The following LMO7 variants were observed in gnomAD, a reference collection of about 807,000 sequenced individuals.
The protein encoded by LMO7 is LIM domain 7.
LMO7 carries 120 observed loss-of-function variants against 206.5 expected under a neutral mutation model. The observed-to-expected ratio is 0.58, with a 90% CI of 0.50 to 0.68. The LOEUF (loss-of-function observed/expected upper bound fraction) is 0.68, where lower values mean the gene tolerates loss of function less well. Ranked by LOEUF, LMO7 falls within the 30% of genes least tolerant of loss-of-function variation. The pLI, the probability that LMO7 is intolerant of heterozygous loss-of-function variation, is 0.00. For missense variants in LMO7, 1,959 were observed against 1,957.9 expected (o/e 1.00, Z -0.01); for synonymous variants, 706 against 681.5 (o/e 1.04, Z -0.56).
intron 1 of LMO7, among the ~76,000 whole-genome samples, chr13:75,708,928 C>G: frequency 6.6e-6 from 1 of 152,104 alleles, no homozygotes; most frequent in Admixed American, 6.5e-5. Context: ...GGTATATCTC[C>G]TAATGCTATC....
intron 1 of LMO7, among the ~76,000 whole-genome samples, chr13:75,665,352 T>A (rs978450645): frequency 2.6e-5 from 4 of 152,102 alleles, no homozygotes; most frequent in African/African-American, 4.8e-5. Flanking sequence ...ACTTATTTTT[T>A]AAATATATTA....
At chr13:75,713,133 T>C in intron 1 of LMO7, 49 bp from the exon 2 acceptor site, 1 of 1,339,624 alleles carries the variant, frequency 7.5e-7, no homozygotes, top group Non-Finnish European at 1.1e-6. Flanking sequence ...ATTGGACTTG[T>C]GTGCTATCCC....
intron 1 of LMO7, among the ~76,000 whole-genome samples, chr13:75,694,017 A>T (rs1292916447): frequency 6.6e-6 from 1 of 152,134 alleles, no homozygotes; most frequent in Admixed American, 6.6e-5. Context: ...CTTAAAATAA[A>T]AAAAAAAACT....
chr13:75,717,058 A>G (rs1299855876), intron 2 of LMO7, among the ~76,000 whole-genome samples: 1 of 151,464 alleles, frequency 6.6e-6, no homozygotes, highest in Non-Finnish European at 1.5e-5. Flanking sequence ...TGAACACATG[A>G]CTCACAGTAA....
In LMO7 at chr13:75,681,718, GTATATATATATATATATA is replaced by G. The variant is rs71127572; in HGVS notation, c.70-31450_70-31433del. ...TATGTATGTATGTGTATATATATAT[GTATATATATATATATATA>G]TATATATATATATGGAATCTTATTA... On this transcript the variant is annotated intron_variant, in intron 1 of 30. Coordinates refer to ENST00000377534, the MANE Select transcript of LMO7 (RefSeq NM_001306080.2). Among the ~76,000 whole-genome samples, 249 of 104,562 alleles carry G rather than the reference GTATATATATATATATATA, an allele frequency of 2.4e-3. 4 individuals carry two copies. The South Asian group carries it at 0.027, about 11-fold the overall frequency. The allele number at this position is 104,562 out of a possible 152,430, so 68.6% of individuals were successfully genotyped here. A position where few individuals can be genotyped will look rare whatever the true frequency, so the allele number is the denominator to read the frequency against.
intron 12 of LMO7, among the ~76,000 whole-genome samples, chr13:75,818,406 T>C (rs767679254): frequency 6.6e-6 from 1 of 152,200 alleles, no homozygotes; most frequent in Non-Finnish European, 1.5e-5. Flanking sequence ...CGGTTTTGTC[T>C]GAGACCTTGA....
At chr13:75,710,499 G>A (rs2138058337) in intron 1 of LMO7, among the ~76,000 whole-genome samples, 1 of 151,894 alleles carries the variant, frequency 6.6e-6, no homozygotes, top group East Asian at 1.9e-4. Flanking sequence ...AGTTCTCCTT[G>A]AAGAGGTCCT....
chr13:75,838,601 G>C (rs2059343945), intron 20 of LMO7: 1 of 196,100 alleles, frequency 5.1e-6, no homozygotes, highest in Admixed American at 5.8e-5. Context: ...AATTGGCCAA[G>C]TTTTTAAAAA....
intron 26 of LMO7, among the ~76,000 whole-genome samples, chr13:75,848,808 C>T (rs2060230500): frequency 1.3e-5 from 2 of 152,200 alleles, no homozygotes; most frequent in East Asian, 1.9e-4. Flanking sequence ...GGTAGACCTA[C>T]TTATAGTTCT....
At chr13:75,751,632 G>A (rs1358900459) in intron 3 of LMO7, among the ~76,000 whole-genome samples, 1 of 152,148 alleles carries the variant, frequency 6.6e-6, no homozygotes, top group African/African-American at 2.4e-5. Context: ...TCACAGCCCT[G>A]AGAACAACTT....
At chr13:75,787,545 A>G (rs1363431008) in intron 4 of LMO7, among the ~76,000 whole-genome samples, 1 of 152,248 alleles carries the variant, frequency 6.6e-6, no homozygotes, top group African/African-American at 2.4e-5. Flanking sequence ...TGGAATAAGC[A>G]TTATGTTGCT....
Position 75,841,767 on chromosome 13 carries a change from AGC to A in LMO7, c.3816_3817del (p.Gln1272HisfsTer8), listed in dbSNP as rs763052660. 3 of 1,614,120 alleles carry A rather than the reference AGC, an allele frequency of 1.9e-6. No homozygotes were observed. The highest frequency in any genetic ancestry group is 2.5e-6 in the Non-Finnish European group (3 of 1,179,996). On this transcript the variant is annotated frameshift_variant, in exon 24 of 31. Transcript: ENST00000377534. LOFTEE classifies it high-confidence loss of function. ...CGAGCAGGAGAAGAGGAGAGGAGAC[AGC>A]CACAAGAGGAAGTTGTTCATGAGGA...
At chr13:75,711,763 T>C (rs114783085) in intron 1 of LMO7, among the ~76,000 whole-genome samples, 4 of 152,204 alleles carry the variant, frequency 2.6e-5, no homozygotes, top group Non-Finnish European at 4.4e-5. Context: ...ACCCCCTACA[T>C]TTTTCTTATG....
intron 4 of LMO7, chr13:75,788,789 CA>C (rs1461795831): frequency 6.6e-6 from 1 of 152,432 alleles, no homozygotes; most frequent in Non-Finnish European, 1.5e-5. Flanking sequence ...TCCCAAGAGG[CA>C]ACTCCCAGGT....
intron 4 of LMO7, among the ~76,000 whole-genome samples, chr13:75,780,865 C>T (rs1316481214): frequency 1.3e-5 from 2 of 152,184 alleles, no homozygotes; most frequent in Admixed American, 1.3e-4. Flanking sequence ...GGTTCCCTGA[C>T]TTCCTGCAAC....
chr13:75,802,700 G>A (rs561698286), intron 7 of LMO7, among the ~76,000 whole-genome samples: 37 of 152,256 alleles, frequency 2.4e-4, no homozygotes, highest in African/African-American at 6.7e-4. Flanking sequence ...TAAAGAGTGC[G>A]TAAGTGAAGT....
rs77568842 is a variant in LMO7 at position 75,765,371 on chromosome 13, C to CT, written c.317+4349dup. Reference sequence around the variant, plus strand: ...CAAATGAGTTTCTCAACATCTTCATCTTTTTTTTTTTTTTTTAAGCAAGCT... The same window carrying CT: ...CAAATGAGTTTCTCAACATCTTCATCTTTTTTTTTTTTTTTTTAAGCAAGCT... On this transcript the variant is annotated intron_variant, in intron 4 of 30. Transcript: ENST00000377534. Among the ~76,000 whole-genome samples, 917 of 118,788 alleles carry CT rather than the reference C, an allele frequency of 7.7e-3. 10 individuals carry two copies. The highest frequency in any genetic ancestry group is 0.023 in the African/African-American group (734 of 32,304). The allele number at this position is 118,788 out of a possible 152,430, so 77.9% of individuals were successfully genotyped here. A position where few individuals can be genotyped will look rare whatever the true frequency, so the allele number is the denominator to read the frequency against.
intron 3 of LMO7, among the ~76,000 whole-genome samples, chr13:75,758,414 A>G (rs1183458310): frequency 6.6e-6 from 1 of 152,220 alleles, no homozygotes; most frequent in East Asian, 1.9e-4. Context: ...GACTGAGACT[A>G]CATTACCAAT....
rs374222469 is a variant in LMO7, at chr13:75,623,360, G to A, written c.225+40G>A. ...TATTTTCTAAGGCAGAATCAGAAAG[G>A]CCAAAGCATTTTTTTCTTTTTGATA... is the stretch of plus-strand genomic sequence containing the variant. On this transcript the variant is annotated intron_variant, in intron 2 of 29. Transcript: ENST00000341547. The A allele has an allele frequency of 4.5e-6, 5 of 1,118,824 alleles. No homozygotes were observed. In the African/African-American group the frequency reaches 7.8e-5, roughly 17 times the overall value. 69.3% of individuals were successfully genotyped at this position (1,118,824 alleles called of 1,614,324 possible).
Sources: gnomAD v4.1 joint callset for allele counts (sites outside exome capture counted in the v4.1 genomes callset) on GRCh38, gnomAD v4.1.1 for gene constraint, MANE v1.5 for transcripts, NCBI Gene and HGNC (gene_info 2026-07-23, HGNC 2026-07-21) for gene names.